The following SH3RF3 variants were observed in gnomAD, a reference collection of about 807,000 sequenced individuals.
SH3RF3 encodes the protein SH3 domain containing ring finger 3.
A neutral mutation model predicts 66.3 loss-of-function variants in SH3RF3; 29 were observed. That is an observed-to-expected ratio of 0.44 (90% CI 0.33 to 0.60). The LOEUF (loss-of-function observed/expected upper bound fraction) is 0.60, where lower values mean the gene tolerates loss of function less well. SH3RF3 is among the 20% of genes least tolerant of loss of function. The probability of loss-of-function intolerance (pLI) is 0.04; values close to 1 mark genes in which losing one functional copy is unlikely to be tolerated. For missense variants in SH3RF3, 1,194 were observed against 1,190.9 expected, an observed-to-expected ratio of 1.00 and a Z score of -0.04; for synonymous variants, 583 against 532.0, an observed-to-expected ratio of 1.10 and a Z score of -1.32.
chr2:109,409,070 C>T (rs1449413733), intron 4 of SH3RF3, among the ~76,000 whole-genome samples: 1 of 152,210 alleles, frequency 6.6e-6, no homozygotes, highest in African/African-American at 2.4e-5. Context: ...TCCTTGTTGA[C>T]GTTTTGAGAT....
chr2:109,443,805 A>G (rs1677637834), intron 7 of SH3RF3, among the ~76,000 whole-genome samples: 1 of 152,372 alleles, frequency 6.6e-6, no homozygotes, highest in East Asian at 1.9e-4. Flanking sequence ...ATGGTCAGAG[A>G]CTTTCATGTC....
At chr2:109,493,835 AAGC>A (rs1679190612) in intron 9 of SH3RF3, among the ~76,000 whole-genome samples, 1 of 152,074 alleles carries the variant, frequency 6.6e-6, no homozygotes, top group Non-Finnish European at 1.5e-5. Context: ...ATTGTACATC[AAGC>A]AACCACATAA....
chr2:109,324,747 A>G (rs891950509), intron 1 of SH3RF3, among the ~76,000 whole-genome samples: 1 of 152,214 alleles, frequency 6.6e-6, no homozygotes, highest in Admixed American at 6.5e-5. Flanking sequence ...TAAGCGCCAA[A>G]TGACTTGAAG....
intron 1 of SH3RF3, among the ~76,000 whole-genome samples, chr2:109,339,663 G>T (rs1168751959): frequency 1.2e-4 from 19 of 152,186 alleles, no homozygotes; most frequent in Admixed American, 1.2e-3. Flanking sequence ...TTTTCAAGGT[G>T]CCTGGTGGCT....
intron 1 of SH3RF3, among the ~76,000 whole-genome samples, chr2:109,175,401 T>C (rs1348963450): frequency 6.6e-6 from 1 of 152,226 alleles, no homozygotes; most frequent in Non-Finnish European, 1.5e-5. Flanking sequence ...TCAGGCACAC[T>C]TGGAAATAAA....
chr2:109,416,747 G>C lies in SH3RF3; in HGVS notation c.1300-2792G>C, dbSNP rs181616934. Among the ~76,000 whole-genome samples the C allele has an allele frequency of 1.3e-3, 191 of 151,690 alleles. 2 individuals are homozygous for C. Among genetic ancestry groups the C allele is most frequent in the South Asian group, 5.9e-3 (28 of 4,776 alleles). The stretch of plus-strand genomic sequence containing the variant: ...TCTGTCTCAATACAACAACAACAAC[G>C]AACAAAATATTAGCCGGGGGTGGTA... On this transcript the variant is annotated intron_variant, in intron 4 of 9. Coordinates refer to ENST00000309415, the MANE Select transcript of SH3RF3 (RefSeq NM_001099289.3).
At chr2:109,474,849 A>C (rs1043546556) in intron 8 of SH3RF3, among the ~76,000 whole-genome samples, 2 of 152,110 alleles carry the variant, frequency 1.3e-5, no homozygotes, top group East Asian at 3.9e-4. Context: ...CAAAGTCTAC[A>C]CTCACTCATA....
intron 5 of SH3RF3, among the ~76,000 whole-genome samples, chr2:109,424,933 T>C (rs1264734035): frequency 1.3e-5 from 2 of 152,208 alleles, no homozygotes; most frequent in Non-Finnish European, 2.9e-5. Context: ...GAGGAAGTCA[T>C]GTCAAAAGCT....
chr2:109,330,706 C>G (rs558416208), intron 1 of SH3RF3, among the ~76,000 whole-genome samples: 1 of 151,918 alleles, frequency 6.6e-6, no homozygotes, highest in East Asian at 1.9e-4. Flanking sequence ...GGATACATGA[C>G]GGATGGATGA....
At position 109,129,950 on chromosome 2, in the gene SH3RF3, C is replaced by A. The variant is rs1030076051; in HGVS notation, c.410C>A (p.Ala137Glu). 2 of 1,467,882 alleles carry A rather than the reference C, an allele frequency of 1.4e-6. No homozygotes were observed. Among genetic ancestry groups the A allele is most frequent in the Admixed American group, 2.3e-5 (1 of 43,220 alleles). The allele number at this position is 1,467,882 out of a possible 1,614,324, so 90.9% of individuals were successfully genotyped here. A position where few individuals can be genotyped will look rare whatever the true frequency, so the allele number is the denominator to read the frequency against. ...AGTSPGGSPP[A>E]RPIPGQSAAP... ...ACCAGCCCCGGCGGCAGCCCGCCCG[C>A]GCGTCCCATCCCAGGCCAGAGTGCG... The change falls in exon 1 of 10, where the codon GCG becomes GAG. Residue 137 changes from alanine (A) to glutamate (E), a missense_variant. Coordinates refer to ENST00000309415, the MANE Select transcript of SH3RF3 (RefSeq NM_001099289.3).
chr2:109,398,397 TTG>T (rs1676208878), intron 3 of SH3RF3, among the ~76,000 whole-genome samples, 191 bp from the exon 4 acceptor site: 1 of 152,214 alleles, frequency 6.6e-6, no homozygotes. Flanking sequence ...CCTGGGGTTT[TTG>T]AGCTGCTCCA....
Position 109,400,252 on chromosome 2 carries a change from CTT to C in SH3RF3, c.1299+1310_1299+1311del, listed in dbSNP as rs1361578981. Among the ~76,000 whole-genome samples, 15 of 151,582 alleles carry C rather than the reference CTT, an allele frequency of 9.9e-5. No individual in the cohort carries two copies. The South Asian group carries it at 2.9e-3, about 30-fold the overall frequency. Reference sequence around the variant, plus strand: ...CACACACACACATATTACATGGACACTTGAGCACATGCCCGCCCGCACATATG... The same window carrying C: ...CACACACACACATATTACATGGACACGAGCACATGCCCGCCCGCACATATG... On this transcript the variant is annotated intron_variant, in intron 4 of 9. Transcript: ENST00000309415.
chr2:109,458,266 T>C (rs1678115143), intron 8 of SH3RF3, among the ~76,000 whole-genome samples: 1 of 152,166 alleles, frequency 6.6e-6, no homozygotes, highest in Non-Finnish European at 1.5e-5. Flanking sequence ...ATTAATCTTT[T>C]CAGAGGATTC....
chr2:109,171,244 C>T (rs949623880), intron 1 of SH3RF3, among the ~76,000 whole-genome samples: 2 of 152,062 alleles, frequency 1.3e-5, no homozygotes, highest in African/African-American at 4.8e-5. Context: ...TATTTGCTTA[C>T]ATGTATTTGG....
intron 1 of SH3RF3, among the ~76,000 whole-genome samples, chr2:109,248,758 C>T (rs1488845697): frequency 1.3e-5 from 2 of 151,140 alleles, no homozygotes; most frequent in African/African-American, 4.9e-5. Flanking sequence ...CCTTCCTTCT[C>T]TCTCTCTCTC....
At chr2:109,273,543 T>C (rs1680675227) in intron 1 of SH3RF3, among the ~76,000 whole-genome samples, 1 of 152,168 alleles carries the variant, frequency 6.6e-6, no homozygotes, top group Middle Eastern at 3.2e-3. Flanking sequence ...GGCACGTGTT[T>C]AGTGAATGCA....
At chr2:109,436,673 T>C (rs922439693) in intron 6 of SH3RF3, among the ~76,000 whole-genome samples, 4 of 152,250 alleles carry the variant, frequency 2.6e-5, no homozygotes, top group African/African-American at 9.6e-5. Context: ...GCGGCTTTGC[T>C]ATCTCTTAAA....
intron 8 of SH3RF3, among the ~76,000 whole-genome samples, chr2:109,477,879 T>C (rs1678730220): frequency 6.6e-6 from 1 of 152,064 alleles, no homozygotes; most frequent in Non-Finnish European, 1.5e-5. Flanking sequence ...TGACATGACT[T>C]TGGGGAACAT....
chr2:109,181,962 GCCA>G (rs1425320442), intron 1 of SH3RF3, among the ~76,000 whole-genome samples: 1 of 152,144 alleles, frequency 6.6e-6, no homozygotes, highest in Admixed American at 6.5e-5. Flanking sequence ...GCAACCAAAG[GCCA>G]GTTTGGTGAT....
Sources: gnomAD v4.1 joint callset for allele counts (sites outside exome capture counted in the v4.1 genomes callset) on GRCh38, gnomAD v4.1.1 for gene constraint, MANE v1.5 for transcripts, NCBI Gene and HGNC (gene_info 2026-07-23, HGNC 2026-07-21) for gene names.